Variants in CCSER1 observed in about 807,000 individuals in gnomAD.
The protein encoded by CCSER1 is serine-rich coiled-coil domain-containing protein 1.
Under a neutral mutation model 82.0 loss-of-function variants are expected in CCSER1, and 41 were observed. That is an observed-to-expected ratio of 0.50 (90% CI 0.39 to 0.65). The LOEUF (loss-of-function observed/expected upper bound fraction) is 0.65, where lower values mean the gene tolerates loss of function less well. CCSER1 is among the 30% of genes least tolerant of loss of function. The probability of loss-of-function intolerance (pLI) is 0.00; values close to 1 mark genes in which losing one functional copy is unlikely to be tolerated. For missense variants in CCSER1, 1,119 were observed against 1,064.2 expected (o/e 1.05, Z -0.72); for synonymous variants, 414 against 383.9 (o/e 1.08, Z -0.92).
intron 3 of CCSER1, among the ~76,000 whole-genome samples, chr4:90,366,446 G>A (rs1746302465): frequency 1.3e-5 from 2 of 151,634 alleles, no homozygotes; most frequent in African/African-American, 2.4e-5. Context: ...ATACAGTGTG[G>A]AATAATTAAG....
chr4:91,375,108 T>A (rs1750312760), intron 10 of CCSER1, among the ~76,000 whole-genome samples: 1 of 152,188 alleles, frequency 6.6e-6, no homozygotes, highest in Non-Finnish European at 1.5e-5. Context: ...TTATTCTAGA[T>A]GTCACTAAGA....
intron 9 of CCSER1, among the ~76,000 whole-genome samples, chr4:91,078,923 C>T (rs538089620): frequency 6.6e-6 from 1 of 152,058 alleles, no homozygotes; most frequent in Non-Finnish European, 1.5e-5. Flanking sequence ...AAATATGGGA[C>T]TATGTGAAAA....
At chr4:91,574,706 TGAC>T (rs890154342) in intron 10 of CCSER1, among the ~76,000 whole-genome samples, 6 of 151,840 alleles carry the variant, frequency 4.0e-5, no homozygotes, top group Admixed American at 3.9e-4. Flanking sequence ...GGCATAAAAA[TGAC>T]AACAATAGAC....
At chr4:90,729,158 A>G (rs1471864095) in intron 7 of CCSER1, among the ~76,000 whole-genome samples, 1 of 152,142 alleles carries the variant, frequency 6.6e-6, no homozygotes, top group Non-Finnish European at 1.5e-5. Context: ...AAGTTAATAA[A>G]TGAAAAGTGT....
intron 1 of CCSER1, among the ~76,000 whole-genome samples, chr4:90,134,931 A>G (rs1723402808): frequency 1.3e-5 from 2 of 152,236 alleles, no homozygotes; most frequent in African/African-American, 4.8e-5. Context: ...AAAGTTATAT[A>G]TATTTTATAA....
chr4:90,987,479 C>CT (rs1736668043), intron 9 of CCSER1, among the ~76,000 whole-genome samples: 3 of 151,562 alleles, frequency 2.0e-5, no homozygotes, highest in Admixed American at 1.3e-4. Context: ...CAAAACAAAT[C>CT]TTTCTGGAAT....
chr4:91,551,574 A>C lies in CCSER1; in HGVS notation c.2218-46998A>C, dbSNP rs149568787. ...TTTTATTAACACCAATTTATGACGA[A>C]AGCTGAGCTTGTATAGGCTCTAAAT... On this transcript the variant is annotated intron_variant, in intron 10 of 10. Transcript: ENST00000509176. 6.6e-5 allele frequency among the ~76,000 whole-genome samples: 10 copies of C among 151,702 alleles called. No individual in the cohort carries two copies. In the East Asian group the frequency reaches 1.4e-3, roughly 21 times the overall value.
Position 90,895,935 on chromosome 4 carries a change from G to T in CCSER1, c.2095-27435G>T, listed in dbSNP as rs1219009854. Among the ~76,000 whole-genome samples the T allele has an allele frequency of 2.0e-5, 3 of 151,938 alleles. No individual in the cohort carries two copies. In the East Asian group the frequency reaches 5.8e-4, roughly 29 times the overall value. ...TTATTTTAGAAAGGTGAGTTTAGCT[G>T]CAGTATGGAGCATATATTAAGTGAT... On this transcript the variant is annotated intron_variant, in intron 8 of 10. Coordinates refer to ENST00000509176, the MANE Select transcript of CCSER1 (RefSeq NM_001145065.2).
intron 10 of CCSER1, among the ~76,000 whole-genome samples, chr4:91,219,583 A>G (rs1032203487): frequency 5.3e-5 from 8 of 152,132 alleles, no homozygotes; most frequent in Admixed American, 2.6e-4. Flanking sequence ...GATTACAGGC[A>G]TAAGCCACCA....
At chr4:91,189,099 G>C (rs532840058) in intron 10 of CCSER1, among the ~76,000 whole-genome samples, 3 of 152,214 alleles carry the variant, frequency 2.0e-5, no homozygotes, top group East Asian at 3.9e-4. Context: ...GGTTTCTAGA[G>C]AGCCTAAATG....
intron 5 of CCSER1, among the ~76,000 whole-genome samples, chr4:90,574,284 C>T (rs1177358247): frequency 3.2e-5 from 3 of 94,976 alleles, no homozygotes; most frequent in South Asian, 3.3e-4. Flanking sequence ...TTTTTTGAGA[C>T]GGAGTCTCGC....
At chr4:91,538,208 G>T (rs1324238464) in intron 10 of CCSER1, among the ~76,000 whole-genome samples, 1 of 151,964 alleles carries the variant, frequency 6.6e-6, no homozygotes, top group African/African-American at 2.4e-5. Flanking sequence ...TGAGCAAAAA[G>T]ATGAACTTCA....
At chr4:90,422,278 A>G (rs1264039376) in intron 4 of CCSER1, among the ~76,000 whole-genome samples, 1 of 152,176 alleles carries the variant, frequency 6.6e-6, no homozygotes, top group Non-Finnish European at 1.5e-5. Context: ...AGAGTGCTCA[A>G]TTCAACAACG....
intron 7 of CCSER1, among the ~76,000 whole-genome samples, chr4:90,786,510 A>T (rs200978798): frequency 2.0e-4 from 7 of 34,732 alleles, no homozygotes; most frequent in Admixed American, 1.3e-3. Flanking sequence ...TTTAGAAATT[A>T]AAAAAAATTA....
intron 10 of CCSER1, among the ~76,000 whole-genome samples, chr4:91,385,643 GA>G (rs578153925): frequency 0.024 from 3,457 of 146,290 alleles, 111 homozygotes; most frequent in African/African-American, 0.08. Flanking sequence ...ATAGAAAAAG[GA>G]AAAAAAAAAG....
chr4:90,650,043 C>T (rs573736118), intron 6 of CCSER1, among the ~76,000 whole-genome samples: 21 of 152,136 alleles, frequency 1.4e-4, no homozygotes, highest in Admixed American at 4.6e-4. Flanking sequence ...AGTGAAACCC[C>T]GTGTCTACTA....
intron 8 of CCSER1, among the ~76,000 whole-genome samples, chr4:90,838,052 T>C (rs1437643382): frequency 6.6e-6 from 1 of 152,024 alleles, no homozygotes; most frequent in African/African-American, 2.4e-5. Context: ...TTGATTAATT[T>C]AAGCAATTCA....
intron 10 of CCSER1, among the ~76,000 whole-genome samples, chr4:91,335,642 AGAGACTTCTTTCAGTGGAGCT>A (rs1364306775): frequency 6.6e-6 from 1 of 152,122 alleles, no homozygotes; most frequent in Non-Finnish European, 1.5e-5. Context: ...GAGAGAAAAC[AGAGACTTCTTTCAGTGGAGCT>A]GATACCATGT....
chr4:91,492,495 T>C (rs962182961), intron 10 of CCSER1, among the ~76,000 whole-genome samples: 1 of 152,150 alleles, frequency 6.6e-6, no homozygotes, highest in Non-Finnish European at 1.5e-5. Flanking sequence ...AACCTCTGCA[T>C]TTGATACTCT....
Sources: allele counts gnomAD v4.1 joint callset (sites outside exome capture counted in the v4.1 genomes callset), GRCh38; gene constraint gnomAD v4.1.1; transcripts MANE v1.5; gene names NCBI Gene and HGNC (gene_info 2026-07-23, HGNC 2026-07-21).